Variants in PRKD1 observed in about 807,000 individuals in gnomAD.
PRKD1 encodes the protein serine/threonine-protein kinase D1.
In PRKD1, 63 loss-of-function variants were observed where a neutral mutation model predicts 95.9. That is an observed-to-expected ratio of 0.66 (90% CI 0.54 to 0.81). The LOEUF (loss-of-function observed/expected upper bound fraction) is 0.81, where lower values mean the gene tolerates loss of function less well. Among genes scored for constraint, PRKD1 ranks in the 30% least tolerant of loss-of-function variants. The pLI is 0.00. For missense variants in PRKD1, 1,048 were observed against 1,165.3 expected, an observed-to-expected ratio of 0.90 and a Z score of 1.47; for synonymous variants, 425 against 423.1, an observed-to-expected ratio of 1.00 and a Z score of -0.05.
intron 1 of PRKD1, among the ~76,000 whole-genome samples, chr14:29,774,839 G>C (rs950492679): frequency 7.2e-5 from 11 of 152,272 alleles, no homozygotes; most frequent in Admixed American, 5.2e-4. Context: ...GAGATACTAA[G>C]AAAGTGTGAT....
At chr14:29,641,126 G>C (rs1278099067) in intron 4 of PRKD1, among the ~76,000 whole-genome samples, 1 of 152,150 alleles carries the variant, frequency 6.6e-6, no homozygotes, top group East Asian at 1.9e-4. Context: ...TCACTCTGTA[G>C]CCCAGAGACT....
At chr14:29,900,836 A>G (rs1366344627) in intron 1 of PRKD1, among the ~76,000 whole-genome samples, 1 of 152,222 alleles carries the variant, frequency 6.6e-6, no homozygotes, top group African/African-American at 2.4e-5. Context: ...AAGTCAAAAA[A>G]TAACAAAACC....
intron 13 of PRKD1, among the ~76,000 whole-genome samples, chr14:29,608,824 T>C (rs45482497): frequency 3.3e-5 from 5 of 152,216 alleles, no homozygotes; most frequent in Admixed American, 2.6e-4. Flanking sequence ...TCATCTTCAG[T>C]TGGCAAAAAG....
intron 1 of PRKD1, among the ~76,000 whole-genome samples, chr14:29,824,458 G>A (rs1023733099): frequency 1.3e-5 from 2 of 152,062 alleles, no homozygotes; most frequent in Non-Finnish European, 2.9e-5. Flanking sequence ...ACAGGAGCGG[G>A]AGCAGCATAG....
At chr14:29,925,695 A>G (rs1895272233) in intron 1 of PRKD1, among the ~76,000 whole-genome samples, 1 of 152,214 alleles carries the variant, frequency 6.6e-6, no homozygotes, top group Admixed American at 6.5e-5. Flanking sequence ...GTCTATCAAT[A>G]TTACTTTGAC....
chr14:29,664,097 G>T (rs893541514), intron 3 of PRKD1, among the ~76,000 whole-genome samples: 1 of 151,950 alleles, frequency 6.6e-6, no homozygotes, highest in African/African-American at 2.4e-5. Flanking sequence ...TTTTAAAAAT[G>T]TTCTGTGATA....
At chr14:29,663,604 T>A in intron 4 of PRKD1, 95 bp downstream of exon 4, 1 of 1,402,472 alleles carries the variant, frequency 7.1e-7, no homozygotes, top group South Asian at 1.3e-5. Context: ...GGCTGCATTC[T>A]CCCTCCTAGC....
At chr14:29,794,179 T>A (rs1443028677) in intron 1 of PRKD1, among the ~76,000 whole-genome samples, 2 of 152,022 alleles carry the variant, frequency 1.3e-5, no homozygotes, top group East Asian at 3.8e-4. Context: ...TATTTTTGAG[T>A]TTTTATTTTA....
intron 16 of PRKD1, among the ~76,000 whole-genome samples, chr14:29,578,999 A>G (rs1243782229): frequency 6.6e-6 from 1 of 152,094 alleles, no homozygotes; most frequent in Non-Finnish European, 1.5e-5. Context: ...TAGACTTTCT[A>G]GAGGAAGACA....
chr14:29,770,699 ACT>A (rs1221473942), intron 1 of PRKD1, among the ~76,000 whole-genome samples: 1 of 152,060 alleles, frequency 6.6e-6, no homozygotes, highest in Admixed American at 6.6e-5. Context: ...AGGCATTGTG[ACT>A]CACACCTGTA....
At chr14:29,629,165 A>G (rs998808317) in intron 10 of PRKD1, 72 bp from the exon 11 acceptor site, 102 of 1,258,100 alleles carry the variant, frequency 8.1e-5, no homozygotes, top group Non-Finnish European at 1.1e-4. Flanking sequence ...AAGTAAGTAC[A>G]TGCTTACAAA....
intron 11 of PRKD1, 92 bp from the exon 12 acceptor site, chr14:29,626,648 C>T (rs1879645729): frequency 1.7e-6 from 1 of 591,692 alleles, no homozygotes; most frequent in Non-Finnish European, 2.5e-6. Flanking sequence ...ATATTATAAA[C>T]TAAGTATTTT....
rs199974379 is a variant in PRKD1, at chr14:29,598,271, C to CTAAAA, written c.2167-518_2167-514dup. Among the ~76,000 whole-genome samples the CTAAAA allele has an allele frequency of 2.1e-3, 272 of 131,504 alleles. 2 individuals are homozygous for CTAAAA. Among genetic ancestry groups the CTAAAA allele is most frequent in the African/African-American group, 4.0e-3 (146 of 36,376 alleles). The allele number at this position is 131,504 out of a possible 152,430, so 86.3% of individuals were successfully genotyped here. A position where few individuals can be genotyped will look rare whatever the true frequency, so the allele number is the denominator to read the frequency against. ...AGCCTGGGGCAACAGAGTGCTCTGT[C>CTAAAA]TAAAATAAAATAAAATAAAATAAAA... is the stretch of plus-strand genomic sequence containing the variant. On this transcript the variant is annotated intron_variant, in intron 15 of 17. Coordinates refer to ENST00000331968, the MANE Select transcript of PRKD1 (RefSeq NM_002742.3).
chr14:29,921,140 ATCTT>A (rs1439545209), intron 1 of PRKD1, among the ~76,000 whole-genome samples: 2 of 152,338 alleles, frequency 1.3e-5, no homozygotes, highest in South Asian at 2.1e-4. Context: ...GAGTTAAATC[ATCTT>A]TCTGTCAAAA....
At chr14:29,920,019 A>G (rs369031032) in intron 1 of PRKD1, among the ~76,000 whole-genome samples, 2 of 37,978 alleles carry the variant, frequency 5.3e-5, no homozygotes, top group African/African-American at 7.5e-5. Flanking sequence ...GAAGGAGGGA[A>G]GGAAGGAAGG....
intron 16 of PRKD1, among the ~76,000 whole-genome samples, chr14:29,580,389 G>A (rs1468327996): frequency 6.6e-6 from 1 of 152,086 alleles, no homozygotes; most frequent in Non-Finnish European, 1.5e-5. Flanking sequence ...CAAGGCAATG[G>A]CAACTACTTC....
chr14:29,745,102 C>G (rs1031101190), intron 1 of PRKD1, among the ~76,000 whole-genome samples: 5 of 152,214 alleles, frequency 3.3e-5, no homozygotes, highest in African/African-American at 1.2e-4. Flanking sequence ...TCTATATTCA[C>G]ATGGCTAATT....
chr14:29,746,529 T>C lies in PRKD1; in HGVS notation c.265-20855A>G, dbSNP rs8008574. Reference sequence around the variant, plus strand: ...ATTTATCTCATTGTGTGTGTACATATATACACACACACACACACACACACA... The same window carrying C: ...ATTTATCTCATTGTGTGTGTACATACATACACACACACACACACACACACA... On this transcript the variant is annotated intron_variant, in intron 1 of 17. Transcript: ENST00000331968. Among the ~76,000 whole-genome samples, 226 of 146,512 alleles carry C rather than the reference T, an allele frequency of 1.5e-3. 1 individual carries two copies. Among genetic ancestry groups the C allele is most frequent in the African/African-American group, 5.1e-3 (188 of 36,904 alleles).
At chr14:29,738,079 T>C (rs1003319610) in intron 1 of PRKD1, among the ~76,000 whole-genome samples, 22 of 152,156 alleles carry the variant, frequency 1.4e-4, no homozygotes, top group Admixed American at 9.8e-4. Context: ...TTATAAAGTA[T>C]AAATGAAAGG....
Sources: allele counts gnomAD v4.1 joint callset (sites outside exome capture counted in the v4.1 genomes callset), GRCh38; gene constraint gnomAD v4.1.1; transcripts MANE v1.5; gene names NCBI Gene and HGNC (gene_info 2026-07-23, HGNC 2026-07-21).